CFAP95: variants seen among roughly 807,000 people sequenced by gnomAD.
CFAP95 encodes the protein cilia and flagella associated protein 95.
the CFAP95 span, chr9:69,902,454 G>A: frequency 2.9e-6 from 1 of 341,978 alleles, no homozygotes; most frequent in East Asian, 9.7e-5. Context: ...AAGCTGGTAT[G>A]ACTTTTCTCT....
the CFAP95 span, among the ~76,000 whole-genome samples, chr9:69,882,775 T>C: frequency 6.6e-6 from 1 of 152,198 alleles, no homozygotes; most frequent in Non-Finnish European, 1.5e-5. Context: ...GGTTGAACCA[T>C]CCTTGTGTCT....
the CFAP95 span, among the ~76,000 whole-genome samples, chr9:69,890,690 T>C: frequency 2.6e-5 from 4 of 152,248 alleles, no homozygotes; most frequent in African/African-American, 7.2e-5. Context: ...TCTGCAATTA[T>C]GCAAGTTTTG....
At chr9:69,898,968 G>T in the CFAP95 span, among the ~76,000 whole-genome samples, 1 of 151,468 alleles carries the variant, frequency 6.6e-6, no homozygotes, top group African/African-American at 2.4e-5. Context: ...ATCATCTTTG[G>T]TTCTTTGTCC....
the CFAP95 span, among the ~76,000 whole-genome samples, chr9:69,827,472 T>C: frequency 6.6e-6 from 1 of 152,230 alleles, no homozygotes; most frequent in African/African-American, 2.4e-5. Context: ...CAGCTTGTTT[T>C]AGGTTAAAAT....
At chr9:69,873,685 C>T in the CFAP95 span, among the ~76,000 whole-genome samples, 2 of 152,176 alleles carry the variant, frequency 1.3e-5, no homozygotes, top group East Asian at 3.9e-4. Context: ...CCTAGATGAC[C>T]CGTCTGATTT....
At chr9:69,882,197 G>C in the CFAP95 span, among the ~76,000 whole-genome samples, 1 of 152,074 alleles carries the variant, frequency 6.6e-6, no homozygotes, top group Non-Finnish European at 1.5e-5. Flanking sequence ...GCCCAGGCTG[G>C]TCTTGAACTC....
the CFAP95 span, among the ~76,000 whole-genome samples, chr9:69,904,575 A>G: frequency 6.6e-6 from 1 of 152,208 alleles, no homozygotes; most frequent in Non-Finnish European, 1.5e-5. Flanking sequence ...TCACCTCATA[A>G]AAATCCTTCT....
At chr9:69,868,084 GT>G in the CFAP95 span, among the ~76,000 whole-genome samples, 2 of 152,168 alleles carry the variant, frequency 1.3e-5, no homozygotes, top group Non-Finnish European at 2.9e-5. Context: ...TATAGGTATA[GT>G]TTTTGCCATT....
the CFAP95 span, among the ~76,000 whole-genome samples, chr9:69,894,906 A>G: frequency 6.6e-6 from 1 of 152,004 alleles, no homozygotes; most frequent in Admixed American, 6.6e-5. Flanking sequence ...TACTAAACAT[A>G]CAAAAGATTA....
chr9:69,823,158 G>A, the CFAP95 span, among the ~76,000 whole-genome samples: 2 of 152,212 alleles, frequency 1.3e-5, no homozygotes, highest in African/African-American at 4.8e-5. Flanking sequence ...GGCAAAGCAA[G>A]CACCTTCTTC....
the CFAP95 span, among the ~76,000 whole-genome samples, chr9:69,897,135 T>C: frequency 6.6e-6 from 1 of 152,212 alleles, no homozygotes; most frequent in East Asian, 1.9e-4. Flanking sequence ...ACATGATGTA[T>C]GCTGGAAATA....
chr9:69,862,382 A>G, the CFAP95 span, among the ~76,000 whole-genome samples: 21 of 152,334 alleles, frequency 1.4e-4, no homozygotes, highest in African/African-American at 5.1e-4. Flanking sequence ...AAATAAATAC[A>G]TGAACACCTT....
the CFAP95 span, among the ~76,000 whole-genome samples, chr9:69,862,122 C>A: frequency 6.6e-6 from 1 of 152,192 alleles, no homozygotes; most frequent in Non-Finnish European, 1.5e-5. Flanking sequence ...AGCAAATACA[C>A]CACAATTATC....
At chr9:69,895,589 A>G in the CFAP95 span, among the ~76,000 whole-genome samples, 1 of 152,178 alleles carries the variant, frequency 6.6e-6, no homozygotes, top group Non-Finnish European at 1.5e-5. Context: ...CATTTAATTC[A>G]AACTTAGTTG....
the CFAP95 span, among the ~76,000 whole-genome samples, chr9:69,840,325 A>G: frequency 6.6e-6 from 1 of 152,214 alleles, no homozygotes; most frequent in Non-Finnish European, 1.5e-5. Context: ...TTATATATGT[A>G]TATATTACAT....
At chr9:69,824,849 T>G in the CFAP95 span, among the ~76,000 whole-genome samples, 1 of 152,218 alleles carries the variant, frequency 6.6e-6, no homozygotes, top group Non-Finnish European at 1.5e-5. Context: ...ACCTTGTATT[T>G]CTGTATTTGC....
At chr9:69,858,107 G>A in the CFAP95 span, 1 of 710,948 alleles carries the variant, frequency 1.4e-6, no homozygotes, top group Non-Finnish European at 2.5e-6. Context: ...TCTTCGACTT[G>A]CCTTTAACCA....
chr9:69,852,270 G>GATA, the CFAP95 span, among the ~76,000 whole-genome samples: 90 of 152,126 alleles, frequency 5.9e-4, no homozygotes, highest in African/African-American at 2.2e-3. Context: ...GAAGATCTAA[G>GATA]ATAATAGATG....
chr9:69,848,650 G>A, the CFAP95 span, among the ~76,000 whole-genome samples: 3 of 152,170 alleles, frequency 2.0e-5, no homozygotes, highest in East Asian at 5.8e-4. Context: ...GGAGATAGAG[G>A]GAGGTGGGGA....
Sources: allele counts gnomAD v4.1 joint callset (sites outside exome capture counted in the v4.1 genomes callset), GRCh38; gene constraint gnomAD v4.1.1; transcripts MANE v1.5; gene names NCBI Gene and HGNC (gene_info 2026-07-23, HGNC 2026-07-21).